Variants in ETV3 observed in about 807,000 individuals in gnomAD.
The protein encoded by ETV3 is ETS translocation variant 3.
In ETV3, 8 loss-of-function variants were observed where a neutral mutation model predicts 33.0. The ratio of observed to expected loss-of-function variants is 0.24; its 90% confidence interval spans 0.14 to 0.44. The LOEUF (loss-of-function observed/expected upper bound fraction) is 0.44, where lower values mean the gene tolerates loss of function less well. Among genes scored for constraint, ETV3 ranks in the 20% least tolerant of loss-of-function variants. The pLI, the probability that ETV3 is intolerant of heterozygous loss-of-function variation, is 1.00. For synonymous variants in ETV3, 222 were observed against 238.9 expected (o/e 0.93, Z 0.65); for missense variants, 473 against 652.3 (o/e 0.73, Z 2.99).
chr1:157,134,367 TC>T, intron 3 of ETV3, 140 bp from the exon 4 acceptor site: 1 of 1,104,244 alleles, frequency 9.1e-7, no homozygotes, highest in Non-Finnish European at 1.2e-6. Flanking sequence ...AGCCTGGCCC[TC>T]CAGGTAGATC....
intron 2 of ETV3, 55 bp from the exon 3 acceptor site, chr1:157,135,763 C>CTCTT: frequency 1.3e-6 from 2 of 1,530,070 alleles, no homozygotes; most frequent in Non-Finnish European, 1.8e-6. Context: ...ACATACATAC[C>CTCTT]AGCAACCCCA....
chr1:157,131,177 A>G (rs1674959490), intron 4 of ETV3, among the ~76,000 whole-genome samples: 1 of 152,220 alleles, frequency 6.6e-6, no homozygotes, highest in South Asian at 2.1e-4. Flanking sequence ...GTGGGAGTAG[A>G]GAGGCATAGA....
At chr1:157,137,185 T>C (rs1485103910) in intron 1 of ETV3, among the ~76,000 whole-genome samples, 2 of 152,088 alleles carry the variant, frequency 1.3e-5, no homozygotes, top group Non-Finnish European at 2.9e-5. Flanking sequence ...AGGAGCTTTG[T>C]GTTAATCACT....
Position 157,136,342 on chromosome 1 carries a change from C to A in ETV3, c.11G>T (p.Gly4Val). The A allele has an allele frequency of 6.2e-7, 1 of 1,610,690 alleles. No homozygotes were observed. Among genetic ancestry groups the A allele is most frequent in the Non-Finnish European group, 8.5e-7 (1 of 1,178,696 alleles). Residue 4 changes from glycine to valine, a missense_variant, in exon 2 of 5, where the codon GGC becomes GTC. By Grantham distance (109) the Gly-to-Val change is moderately radical. Around this residue, in one of 3 missense-constraint regions of ETV3, gnomAD observed 33 missense variants for 37.1 expected, o/e 0.89. Transcript: ENST00000368192. MKA[G>V]CSIVEKPEGG... ...TTCTGGCTTTTCCACGATGCTACAGCCGGCTTTCATTTTCACCCGCCTGCT... is the reference window on the plus strand; with the variant it reads ...TTCTGGCTTTTCCACGATGCTACAGACGGCTTTCATTTTCACCCGCCTGCT...
chr1:157,130,453 T>A (rs1157288096), intron 4 of ETV3, among the ~76,000 whole-genome samples: 2 of 152,226 alleles, frequency 1.3e-5, no homozygotes, highest in African/African-American at 4.8e-5. Context: ...TCCACCTCCA[T>A]GAAGTCACCA....
chr1:157,125,099 A>G lies in ETV3; in HGVS notation c.1281T>C (p.Ala427=), dbSNP rs1674796877. The G allele has an allele frequency of 3.9e-6, 6 of 1,545,324 alleles. No individual in the cohort carries two copies. In the South Asian group the frequency reaches 4.8e-5, roughly 12 times the overall value. ...GCACAGAGGGCCAGATGGGTGGTGCAGCAGGACGGGCAAAGATGGTGCCTT... is the reference window on the plus strand; with the variant it reads ...GCACAGAGGGCCAGATGGGTGGTGCGGCAGGACGGGCAAAGATGGTGCCTT... ...EEKGTIFARP[A]APPIWPSVPI... is the part of the protein sequence containing the mutation. The change falls in exon 5 of 5, where the codon GCT becomes GCC. Residue 427 remains alanine, a synonymous_variant. Transcript: ENST00000368192. This position sits in a 1 kb window ranked among gnomAD's most constrained non-coding sequence, Gnocchi z 4.0.
rs200065916 is a variant in ETV3, at chr1:157,136,362, C to T, written c.-10G>A. 8.7e-5 allele frequency: 140 copies of T among 1,607,580 alleles called. No homozygotes were observed. Among genetic ancestry groups the T allele is most frequent in the Non-Finnish European group, 4.2e-5 (49 of 1,177,524 alleles). On this transcript the variant is annotated 5_prime_UTR_variant, in exon 2 of 5. Coordinates refer to ENST00000368192, the MANE Select transcript of ETV3 (RefSeq NM_001145312.3). The stretch of plus-strand genomic sequence containing the variant: ...TACAGCCGGCTTTCATTTTCACCCG[C>T]CTGCTGAGAGACACAAGCCACACAA...
chr1:157,125,750 G>A lies in ETV3; in HGVS notation c.630C>T (p.Ser210=). Residue 210 remains serine (S), a synonymous_variant, in exon 5 of 5, where the codon TCC becomes TCT. Coordinates refer to ENST00000368192, the MANE Select transcript of ETV3 (RefSeq NM_001145312.3). The surrounding 1 kb of genome is among the most constrained non-coding windows in gnomAD (Gnocchi z 4.0). ...ADWRRGVDPV[S]SRNAIGGGGI... is the part of the protein sequence containing the mutation. ...CTCCTCCACCAATGGCATTCCTGGA[G>A]GACACGGGATCCACACCCCGGCGCC... The A allele has an allele frequency of 8.4e-6, 13 of 1,551,560 alleles. No homozygotes were observed. The highest frequency in any genetic ancestry group is 1.2e-5 in the South Asian group (1 of 84,056).
chr1:157,125,358 T>G lies in ETV3; in HGVS notation c.1022A>C (p.Gln341Pro), dbSNP rs1300853688. 2.6e-6 allele frequency: 4 copies of G among 1,551,852 alleles called. No homozygotes were observed. The highest frequency in any genetic ancestry group is 1.4e-5 in the African/African-American group (1 of 73,032). The change falls in exon 5 of 5, where the codon CAG becomes CCG. Residue 341 changes from glutamine to proline, a missense_variant. Gln to Pro is a moderately conservative substitution (Grantham distance 76). Coordinates refer to ENST00000368192, the MANE Select transcript of ETV3 (RefSeq NM_001145312.3). The surrounding 1 kb of genome is among the most constrained non-coding windows in gnomAD (Gnocchi z 4.0). ...QCQMHPEEST[Q>P]FSIKLQPPPV... ...TGGGGGCTGCAGCTTGATGGAGAAC[T>G]GAGTTGACTCCTCAGGATGCATTTG...
chr1:157,133,850 G>A lies in ETV3; in HGVS notation c.400+262C>T, dbSNP rs908473705. On this transcript the variant is annotated intron_variant, in intron 4 of 4. Transcript: ENST00000368192. ...AAACATCATTCCCAAACAAGATAGC[G>A]TAATAGTATCTAGGAGATTACAAAC... 1.0e-5 allele frequency: 13 copies of A among 1,260,822 alleles called. No homozygotes were observed. The Admixed American group carries it at 1.6e-4, about 15-fold the overall frequency. 78.1% of individuals were successfully genotyped at this position (1,260,822 alleles called of 1,614,324 possible). A position where few individuals can be genotyped will look rare whatever the true frequency, so the allele number is the denominator to read the frequency against.
intron 4 of ETV3, among the ~76,000 whole-genome samples, chr1:157,132,519 A>AT (rs563138086): frequency 2.6e-5 from 4 of 152,282 alleles, no homozygotes; most frequent in Admixed American, 2.6e-4. Context: ...CGAATGAAAC[A>AT]TTTTTTTGGG....
intron 4 of ETV3, among the ~76,000 whole-genome samples, chr1:157,131,587 G>C (rs1401181705): frequency 6.6e-6 from 1 of 152,138 alleles, no homozygotes; most frequent in Non-Finnish European, 1.5e-5. Flanking sequence ...TCAACAGCTC[G>C]ATCTCTCAGG....
rs535102929 is a variant in ETV3 at position 157,125,639 on chromosome 1, G to T, written c.741C>A (p.Phe247Leu). 6.4e-7 allele frequency: 1 copy of T among 1,551,688 alleles called. No individual in the cohort carries two copies. Among genetic ancestry groups the T allele is most frequent in the Admixed American group, 2.0e-5 (1 of 51,002 alleles). ...PGMYPDPHSPFAVSPIPGRGG... is the reference protein window; with the variant it reads ...PGMYPDPHSPLAVSPIPGRGG... ...CGCGGCCAGGGATTGGAGAGACAGC[G>T]AAGGGACTGTGGGGGTCAGGGTACA... The change falls in exon 5 of 5, where the codon TTC becomes TTA. Residue 247 changes from phenylalanine to leucine, a missense_variant. This residue lies in a region of ETV3 where 410 missense variants were observed against 520.2 expected (regional missense o/e 0.79). Transcript: ENST00000368192. The surrounding 1 kb of genome is among the most constrained non-coding windows in gnomAD (Gnocchi z 4.0).
At chr1:157,135,794 G>C in intron 2 of ETV3, 86 bp from the exon 3 acceptor site, 1 of 1,326,578 alleles carries the variant, frequency 7.5e-7, no homozygotes, top group Non-Finnish European at 1.1e-6. Context: ...CCACTGCTCA[G>C]AATCTAGAGT....
At position 157,124,955 on chromosome 1, in the gene ETV3, C is replaced by T. The variant is rs535520534; in HGVS notation, c.1425G>A (p.Arg475=). The T allele has an allele frequency of 3.9e-4, 607 of 1,551,862 alleles. 6 individuals are homozygous for T. In the African/African-American group the frequency reaches 7.3e-3, roughly 19 times the overall value. Residue 475 remains arginine (R), a synonymous_variant, in exon 5 of 5, where the codon CGG becomes CGA. Transcript: ENST00000368192. ...GGTCATCATTCCAGCGCCGCTTCAA[C>T]CGAAGCTTGGGGGGCATCAGTGCAT... The part of the protein sequence containing the change: ...KEDALMPPKL[R]LKRRWNDDPE...
intron 1 of ETV3, among the ~76,000 whole-genome samples, chr1:157,137,636 G>GA (rs1168140128): frequency 6.6e-6 from 1 of 151,314 alleles, no homozygotes; most frequent in East Asian, 1.9e-4. Flanking sequence ...GGAAAAACAC[G>GA]AATTTCCCCA....
intron 4 of ETV3, among the ~76,000 whole-genome samples, chr1:157,129,788 G>A (rs1285312364): frequency 6.6e-6 from 1 of 152,038 alleles, no homozygotes; most frequent in Non-Finnish European, 1.5e-5. Flanking sequence ...GAAGTATAAT[G>A]TGCAGGGAAA....
At chr1:157,133,846 T>C (rs1571701347) in intron 4 of ETV3, 2 of 1,229,226 alleles carry the variant, frequency 1.6e-6, no homozygotes, top group South Asian at 2.6e-5. Flanking sequence ...CCAAACAAGA[T>C]AGCGTAATAG....
In ETV3 at chr1:157,123,173, T is replaced by C. The variant is rs906920805; in HGVS notation, c.*1668A>G. On this transcript the variant is annotated 3_prime_UTR_variant, in exon 5 of 5. Coordinates refer to ENST00000368192, the MANE Select transcript of ETV3 (RefSeq NM_001145312.3). ...CATCTCTGTGCCACCCTTCCTCTCA[T>C]CGGATATGGAGTGATTTCTTCTCTC... 1 of 152,252 alleles carries C rather than the reference T, an allele frequency of 6.6e-6. No homozygotes were observed. The highest frequency in any genetic ancestry group is 2.4e-5 in the African/African-American group (1 of 41,462). The allele number at this position is 152,252 out of a possible 1,614,324, so 9.4% of individuals were successfully genotyped here. A position where few individuals can be genotyped will look rare whatever the true frequency, so the allele number is the denominator to read the frequency against.
Sources: gnomAD v4.1 joint callset for allele counts (sites outside exome capture counted in the v4.1 genomes callset) on GRCh38, gnomAD v4.1.1 for gene constraint, gnomAD v4.1.1 regional missense constraint, Gnocchi (gnomAD v3.1) non-coding constraint, MANE v1.5 for transcripts, NCBI Gene and HGNC (gene_info 2026-07-23, HGNC 2026-07-21) for gene names.